The following GLCCI1 variants were observed in gnomAD, a reference collection of about 807,000 sequenced individuals.
GLCCI1 encodes the protein glucocorticoid-induced transcript 1 protein.
A neutral mutation model predicts 52.2 loss-of-function variants in GLCCI1; 24 were observed. The ratio of observed to expected loss-of-function variants is 0.46; its 90% CI spans 0.33 to 0.65. The LOEUF (loss-of-function observed/expected upper bound fraction) is 0.65. Ranked by LOEUF, GLCCI1 falls within the 30% of genes least tolerant of loss-of-function variation. GLCCI1 has a pLI of 0.02. For missense variants in GLCCI1, 704 were observed against 701.5 expected, an observed-to-expected ratio of 1.00 and a Z score of -0.04; for synonymous variants, 310 against 276.5, an observed-to-expected ratio of 1.12 and a Z score of -1.20.
chr7:7,976,497 AAG>A (rs1780473587), intron 1 of GLCCI1, among the ~76,000 whole-genome samples: 1 of 141,208 alleles, frequency 7.1e-6, no homozygotes. Context: ...AAAAAAAAAA[AAG>A]GAAAGGAAAA....
intron 3 of GLCCI1, among the ~76,000 whole-genome samples, chr7:8,047,457 AC>A (rs1782156971): frequency 6.6e-6 from 1 of 152,254 alleles, no homozygotes; most frequent in Admixed American, 6.5e-5. Flanking sequence ...ATGAATACTT[AC>A]CACTTTTTAC....
intron 2 of GLCCI1, among the ~76,000 whole-genome samples, chr7:8,004,579 G>A (rs1232945256): frequency 6.6e-6 from 1 of 151,706 alleles, no homozygotes; most frequent in East Asian, 1.9e-4. Context: ...CTCCACATCA[G>A]AAAAAAAATC....
chr7:7,977,894 T>C (rs1224322456), intron 1 of GLCCI1, among the ~76,000 whole-genome samples: 2 of 152,212 alleles, frequency 1.3e-5, no homozygotes, highest in Non-Finnish European at 2.9e-5. Context: ...ATGCTCTAAG[T>C]CCTGACTTCA....
rs1352295169 is a variant in GLCCI1 at position 7,969,823 on chromosome 7, C to T, written c.457+16C>T. 1 of 1,425,816 alleles carries T rather than the reference C, an allele frequency of 7.0e-7. No individual in the cohort carries two copies. The highest frequency in any genetic ancestry group is 9.2e-7 in the Non-Finnish European group (1 of 1,088,016). The allele number at this position is 1,425,816 out of a possible 1,614,324, so 88.3% of individuals were successfully genotyped here. A position where few individuals can be genotyped will look rare whatever the true frequency, so the allele number is the denominator to read the frequency against. ...GTGTGCAGAGGTAGCGAGCCCAACCCTCCCGTCCTCCCGGGCTGCGTCTCC... is the reference window on the plus strand; with the variant it reads ...GTGTGCAGAGGTAGCGAGCCCAACCTTCCCGTCCTCCCGGGCTGCGTCTCC... On this transcript the variant is annotated intron_variant, in intron 1 of 7. Coordinates refer to ENST00000223145, the MANE Select transcript of GLCCI1 (RefSeq NM_138426.4). This position sits in a 1 kb window ranked among gnomAD's most constrained non-coding sequence, Gnocchi z 4.9.
intron 4 of GLCCI1, among the ~76,000 whole-genome samples, chr7:8,059,156 T>C (rs1213982222): frequency 6.6e-6 from 1 of 152,162 alleles, no homozygotes; most frequent in Non-Finnish European, 1.5e-5. Context: ...CAAACCCATG[T>C]TGTTCGAGGG....
At chr7:8,077,826 A>G (rs999092697) in intron 6 of GLCCI1, among the ~76,000 whole-genome samples, 3 of 152,192 alleles carry the variant, frequency 2.0e-5, no homozygotes, top group African/African-American at 4.8e-5. Flanking sequence ...TAGTCTTTAT[A>G]TGGGCATTCA....
chr7:8,006,432 T>A (rs38017), intron 2 of GLCCI1, among the ~76,000 whole-genome samples: 64,770 of 151,984 alleles, frequency 0.43, 14,119 homozygotes, highest in Middle Eastern at 0.52. Flanking sequence ...CATGTCTGAT[T>A]TTTTATCTGT....
At chr7:8,064,164 T>C (rs1782580391) in intron 5 of GLCCI1, among the ~76,000 whole-genome samples, 1 of 152,240 alleles carries the variant, frequency 6.6e-6, no homozygotes, top group Non-Finnish European at 1.5e-5. Flanking sequence ...ATCTTTATTA[T>C]GAAATCTTTG....
At chr7:7,972,920 T>C (rs1463615069) in intron 1 of GLCCI1, among the ~76,000 whole-genome samples, 1 of 152,218 alleles carries the variant, frequency 6.6e-6, no homozygotes, top group Admixed American at 6.5e-5. Context: ...AAATTGAAAC[T>C]GTTTTGTTTG....
chr7:7,984,743 C>T (rs571886980), intron 1 of GLCCI1, among the ~76,000 whole-genome samples: 15 of 152,256 alleles, frequency 9.9e-5, no homozygotes, highest in African/African-American at 3.4e-4. Context: ...TGAGATTTAG[C>T]AAAATTAATA....
chr7:8,026,723 A>T (rs1781630290), intron 3 of GLCCI1, among the ~76,000 whole-genome samples: 1 of 152,224 alleles, frequency 6.6e-6, no homozygotes, highest in East Asian at 1.9e-4. Context: ...GCATGGAGGG[A>T]ACGTTTGGAC....
chr7:8,072,753 C>T (rs191835851), intron 6 of GLCCI1, among the ~76,000 whole-genome samples: 1 of 152,268 alleles, frequency 6.6e-6, no homozygotes, highest in African/African-American at 2.4e-5. Flanking sequence ...CTACTTAACA[C>T]TTGTAACTGG....
At chr7:8,073,146 T>G (rs2127965609) in intron 6 of GLCCI1, among the ~76,000 whole-genome samples, 1 of 152,306 alleles carries the variant, frequency 6.6e-6, no homozygotes, top group East Asian at 1.9e-4. Context: ...GCACTGGCTT[T>G]GGGACCATAG....
At chr7:8,075,343 A>C (rs956198285) in intron 6 of GLCCI1, among the ~76,000 whole-genome samples, 1 of 152,194 alleles carries the variant, frequency 6.6e-6, no homozygotes, top group Non-Finnish European at 1.5e-5. Flanking sequence ...TCACATGTGT[A>C]AAGTTTCCAG....
In GLCCI1 at chr7:7,973,406, T is replaced by TTGTGTGTGTGTGTG. The variant is rs1190596785; in HGVS notation, c.457+3605_457+3606insTGTGTGTGTGTGTG. ...GATAGTAAGTAGGAAATGCAAATCT[T>TTGTGTGTGTGTGTG]TGTGTGCGTGTGTGTGTGTGTGTGT... is the stretch of plus-strand genomic sequence containing the variant. On this transcript the variant is annotated intron_variant, in intron 1 of 7. Transcript: ENST00000223145. 5.6e-3 allele frequency among the ~76,000 whole-genome samples: 468 copies of TTGTGTGTGTGTGTG among 83,940 alleles called. 6 individuals are homozygous for TTGTGTGTGTGTGTG. The highest frequency in any genetic ancestry group is 1.3e-3 in the Non-Finnish European group (47 of 36,916). 55.1% of individuals were successfully genotyped at this position (83,940 alleles called of 152,430 possible).
chr7:8,017,188 C>A (rs1263904752), intron 2 of GLCCI1, among the ~76,000 whole-genome samples: 1 of 152,188 alleles, frequency 6.6e-6, no homozygotes. Flanking sequence ...ATGCCATCAT[C>A]TTAGCACTAT....
At chr7:8,043,170 C>T (rs1782041039) in intron 3 of GLCCI1, among the ~76,000 whole-genome samples, 1 of 152,176 alleles carries the variant, frequency 6.6e-6, no homozygotes, top group African/African-American at 2.4e-5. Flanking sequence ...CTATTGCACA[C>T]TTACTAGACT....
chr7:7,976,508 AAAGG>A, intron 1 of GLCCI1, among the ~76,000 whole-genome samples: 1 of 146,056 alleles, frequency 6.8e-6, no homozygotes, highest in African/African-American at 2.7e-5. Context: ...AGGAAAGGAA[AAAGG>A]AAAGGAGAAA....
At chr7:8,045,172 A>G (rs919036422) in intron 3 of GLCCI1, among the ~76,000 whole-genome samples, 1 of 152,226 alleles carries the variant, frequency 6.6e-6, no homozygotes, top group Non-Finnish European at 1.5e-5. Context: ...TTATTTACCC[A>G]ACGGTTCCAG....
Sources: allele counts gnomAD v4.1 joint callset (sites outside exome capture counted in the v4.1 genomes callset), GRCh38; gene constraint gnomAD v4.1.1; non-coding constraint Gnocchi (gnomAD v3.1); transcripts MANE v1.5; gene names NCBI Gene and HGNC (gene_info 2026-07-23, HGNC 2026-07-21).